CTNNA3: variants seen among roughly 807,000 people sequenced by gnomAD.
CTNNA3 encodes the protein catenin alpha 3, also known as catenin alpha-3.
In CTNNA3, 76 loss-of-function variants were observed where a neutral mutation model predicts 95.7. The observed-to-expected ratio is 0.79, with a 90% CI of 0.66 to 0.96. The LOEUF (loss-of-function observed/expected upper bound fraction) is 0.96. Among genes scored for constraint, CTNNA3 ranks in the 40% least tolerant of loss-of-function variants. The pLI, the probability that CTNNA3 is intolerant of heterozygous loss-of-function variation, is 0.00. For missense variants in CTNNA3, 1,191 were observed against 1,089.8 expected (o/e 1.09, Z -1.31); for synonymous variants, 431 against 374.4 (o/e 1.15, Z -1.74).
intron 15 of CTNNA3, among the ~76,000 whole-genome samples, chr10:66,055,935 A>AAC: frequency 6.6e-6 from 1 of 151,658 alleles, no homozygotes; most frequent in Non-Finnish European, 1.5e-5. Flanking sequence ...AAAAAAAAAA[A>AAC]AAAAAAAAGA....
chr10:67,420,759 CTTTA>C (rs1351273136), intron 5 of CTNNA3, among the ~76,000 whole-genome samples: 1 of 151,890 alleles, frequency 6.6e-6, no homozygotes, highest in African/African-American at 2.4e-5. Flanking sequence ...GTAGTATTAT[CTTTA>C]TTTATTTTCT....
intron 5 of CTNNA3, among the ~76,000 whole-genome samples, chr10:67,353,351 A>G (rs912192481): frequency 1.2e-4 from 19 of 152,024 alleles, no homozygotes; most frequent in South Asian, 4.1e-4. Flanking sequence ...AAGGTATTCA[A>G]CTTTACAGCT....
Position 67,693,619 on chromosome 10 carries a change from C to T in CTNNA3, c.-6+2381G>A, listed in dbSNP as rs190171873. Among the ~76,000 whole-genome samples the T allele has an allele frequency of 3.0e-3, 450 of 152,236 alleles. 4 individuals are homozygous for T. Among genetic ancestry groups the T allele is most frequent in the African/African-American group, 0.01 (426 of 41,544 alleles). On this transcript the variant is annotated intron_variant, in intron 1 of 17. Coordinates refer to ENST00000433211, the MANE Select transcript of CTNNA3 (RefSeq NM_013266.4). ...TATTATTACTGAATAATAAAAACTT[C>T]ACAATTTAAAAAGTTTTTTAATACA...
intron 15 of CTNNA3, among the ~76,000 whole-genome samples, chr10:66,018,131 C>A (rs890982725): frequency 1.5e-4 from 23 of 150,660 alleles, no homozygotes; most frequent in Non-Finnish European, 2.4e-4. Context: ...GATATACATA[C>A]CCATAGCCAT....
Position 66,242,209 on chromosome 10 carries a change from A to C in CTNNA3, c.1884+38261T>G, listed in dbSNP as rs7905376. Among the ~76,000 whole-genome samples, 773 of 152,286 alleles carry C rather than the reference A, an allele frequency of 5.1e-3. 5 individuals carry two copies. The highest frequency in any genetic ancestry group is 0.017 in the African/African-American group (725 of 41,556). ...GACTTAGCCTCCATAACTGTAAAAA[A>C]TAAATTTCTTTTCTTTATAAATTAC... On this transcript the variant is annotated intron_variant, in intron 13 of 17. Coordinates refer to ENST00000433211, the MANE Select transcript of CTNNA3 (RefSeq NM_013266.4).
chr10:67,064,376 T>C (rs1445478244), intron 7 of CTNNA3, among the ~76,000 whole-genome samples: 1 of 152,164 alleles, frequency 6.6e-6, no homozygotes, highest in Non-Finnish European at 1.5e-5. Flanking sequence ...AGCATATTTA[T>C]TGCTAGTACT....
chr10:67,006,470 T>C (rs1851996719), intron 7 of CTNNA3, among the ~76,000 whole-genome samples: 1 of 152,206 alleles, frequency 6.6e-6, no homozygotes, highest in African/African-American at 2.4e-5. Context: ...TCATTTGCTT[T>C]GTAGTTTATT....
intron 11 of CTNNA3, among the ~76,000 whole-genome samples, chr10:66,433,502 C>A (rs1311031947): frequency 6.6e-6 from 1 of 151,824 alleles, no homozygotes; most frequent in Non-Finnish European, 1.5e-5. Flanking sequence ...TTGTTTTTCT[C>A]TTGTAAATTC....
intron 5 of CTNNA3, among the ~76,000 whole-genome samples, chr10:67,224,357 C>T (rs191666106): frequency 3.3e-5 from 5 of 152,198 alleles, no homozygotes; most frequent in East Asian, 3.9e-4. Flanking sequence ...CTTTCTGTGC[C>T]GGGCTTATTT....
intron 13 of CTNNA3, among the ~76,000 whole-genome samples, chr10:66,189,272 CA>C (rs36036764): frequency 0.46 from 57,636 of 126,280 alleles, 12,123 homozygotes; most frequent in African/African-American, 0.6. Flanking sequence ...GGAGTTCTAT[CA>C]AAAAAAAAAA....
At chr10:66,715,694 G>T (rs1340993993) in intron 9 of CTNNA3, among the ~76,000 whole-genome samples, 1 of 152,078 alleles carries the variant, frequency 6.6e-6, no homozygotes, top group Non-Finnish European at 1.5e-5. Flanking sequence ...AGATAGCAAT[G>T]TTTAGGTAAG....
intron 16 of CTNNA3, among the ~76,000 whole-genome samples, chr10:65,971,318 G>A (rs1015640507): frequency 2.7e-5 from 4 of 148,170 alleles, no homozygotes; most frequent in African/African-American, 9.8e-5. Flanking sequence ...AAAATTAGAT[G>A]GAACTGAAAG....
Position 66,927,403 on chromosome 10 carries a change from C to T in CTNNA3, c.1048-151879G>A. On this transcript the variant is annotated intron_variant, in intron 7 of 17. Transcript: ENST00000433211. The surrounding 1 kb of genome is among the most constrained non-coding windows in gnomAD (Gnocchi z 4.7). The stretch of plus-strand genomic sequence containing the variant: ...GGGCTTGCGGAAGCTGCTGAGTTTA[C>T]ATTTACGGTCTAACTCCCTGAGAAC... The T allele has an allele frequency of 6.2e-7, 1 of 1,614,128 alleles. No individual in the cohort carries two copies. Among genetic ancestry groups the T allele is most frequent in the Non-Finnish European group, 8.5e-7 (1 of 1,180,030 alleles).
At chr10:66,805,260 C>T (rs2132245997) in intron 7 of CTNNA3, among the ~76,000 whole-genome samples, 1 of 151,962 alleles carries the variant, frequency 6.6e-6, no homozygotes, top group East Asian at 1.9e-4. Flanking sequence ...TATAATAAAT[C>T]ATAGCCGTGT....
intron 9 of CTNNA3, among the ~76,000 whole-genome samples, chr10:66,636,400 T>C (rs1052871662): frequency 5.9e-5 from 9 of 152,030 alleles, no homozygotes; most frequent in African/African-American, 2.2e-4. Flanking sequence ...ACACTTGCAG[T>C]GTAATCTTAG....
chr10:66,547,286 T>C (rs993767395), intron 10 of CTNNA3, among the ~76,000 whole-genome samples: 2 of 151,544 alleles, frequency 1.3e-5, no homozygotes, highest in Non-Finnish European at 2.9e-5. Context: ...GCACTAATGA[T>C]TAACCTAATC....
chr10:67,000,962 G>A (rs189453988), intron 7 of CTNNA3, among the ~76,000 whole-genome samples: 11 of 152,144 alleles, frequency 7.2e-5, no homozygotes, highest in Middle Eastern at 3.4e-3. Context: ...AATAAAATGC[G>A]AAAGTAGAGA....
chr10:67,439,164 T>C (rs1846408348), intron 5 of CTNNA3, among the ~76,000 whole-genome samples: 1 of 151,826 alleles, frequency 6.6e-6, no homozygotes, highest in African/African-American at 2.4e-5. Context: ...GGAAAGCAAA[T>C]AGCAAAGAGG....
chr10:67,630,842 TTTG>T (rs1468759913), intron 2 of CTNNA3, among the ~76,000 whole-genome samples: 2 of 152,106 alleles, frequency 1.3e-5, no homozygotes, highest in African/African-American at 4.8e-5. Context: ...TTATAAAGAG[TTTG>T]TTATTACTAT....
Sources: gnomAD v4.1 joint callset for allele counts (sites outside exome capture counted in the v4.1 genomes callset) on GRCh38, gnomAD v4.1.1 for gene constraint, Gnocchi (gnomAD v3.1) non-coding constraint, MANE v1.5 for transcripts, NCBI Gene and HGNC (gene_info 2026-07-23, HGNC 2026-07-21) for gene names.